BCAS3: variants seen among roughly 807,000 people sequenced by gnomAD.
BCAS3 encodes BCAS4/BCAS3 fusion.
BCAS3 carries 53 observed loss-of-function variants against 116.1 expected under a neutral mutation model. That is an observed-to-expected ratio of 0.46 (90% CI 0.37 to 0.57). The LOEUF is 0.57. Among genes scored for constraint, BCAS3 ranks in the 20% least tolerant of loss-of-function variants. The pLI is 0.00. For synonymous variants in BCAS3, 391 were observed against 408.2 expected (o/e 0.96, Z 0.51); for missense variants, 917 against 1,165.4 (o/e 0.79, Z 3.10).
At chr17:60,836,359 G>A (rs1464258233) in intron 7 of BCAS3, among the ~76,000 whole-genome samples, 1 of 152,000 alleles carries the variant, frequency 6.6e-6, no homozygotes, top group African/African-American at 2.4e-5. Context: ...TTAACAAGTA[G>A]TACTAATGCT....
chr17:61,067,399 T>C (rs2070791435), intron 19 of BCAS3, among the ~76,000 whole-genome samples: 1 of 148,242 alleles, frequency 6.7e-6, no homozygotes, highest in Non-Finnish European at 1.5e-5. Flanking sequence ...TGGCTTTTGT[T>C]TGCTTTACAC....
Position 61,265,700 on chromosome 17 carries a change from C to CG in BCAS3, c.2426-102627_2426-102626insG, listed in dbSNP as rs1178128952. Among the ~76,000 whole-genome samples the CG allele has an allele frequency of 1.3e-5, 2 of 151,220 alleles. No homozygotes were observed. On this transcript the variant is annotated intron_variant, in intron 22 of 23. Transcript: ENST00000407086. This position sits in a 1 kb window ranked among gnomAD's most constrained non-coding sequence, Gnocchi z 4.3. ...TATGTAACACCATCATTCTTTTTTC[C>CG]CCCCCATCAAGTAGTATATCTGCCA...
At chr17:60,894,351 G>C (rs921089766) in intron 10 of BCAS3, among the ~76,000 whole-genome samples, 1 of 151,934 alleles carries the variant, frequency 6.6e-6, no homozygotes, top group African/African-American at 2.4e-5. Context: ...AAATGTGATT[G>C]CCTCTTTGCT....
At chr17:60,828,396 T>TG (rs1010362307) in intron 7 of BCAS3, among the ~76,000 whole-genome samples, 55 of 152,236 alleles carry the variant, frequency 3.6e-4, no homozygotes, top group African/African-American at 1.3e-3. Context: ...ACCATTTTTT[T>TG]GGGGGGGAAA....
At chr17:61,069,859 C>T (rs765187846) in intron 19 of BCAS3, 1 of 864,448 alleles carries the variant, frequency 1.2e-6, no homozygotes, top group Admixed American at 2.0e-5. Context: ...AAAAAAAGAC[C>T]CTTTTCACAA....
chr17:61,062,679 T>A lies in BCAS3; in HGVS notation c.2030-12241T>A, dbSNP rs773270337. On this transcript the variant is annotated intron_variant, in intron 19 of 23. Transcript: ENST00000407086. ...ACAAATTAAAAATATAAACTTTATT[T>A]CTCAAGATAAGCCCCATCAAGTTAA... 3.9e-5 allele frequency among the ~76,000 whole-genome samples: 6 copies of A among 152,196 alleles called. 1 individual carries two copies. The highest frequency in any genetic ancestry group is 6.5e-5 in the Admixed American group (1 of 15,272).
At chr17:61,357,975 C>T (rs1247495039) in intron 22 of BCAS3, among the ~76,000 whole-genome samples, 1 of 151,730 alleles carries the variant, frequency 6.6e-6, no homozygotes, top group African/African-American at 2.4e-5. Flanking sequence ...GTAATCCCAG[C>T]TCCTTGGGAT....
At chr17:60,906,474 C>CA (rs905704349) in intron 11 of BCAS3, among the ~76,000 whole-genome samples, 4 of 152,190 alleles carry the variant, frequency 2.6e-5, no homozygotes, top group Middle Eastern at 3.4e-3. Flanking sequence ...CAAGTAGACC[C>CA]ATTTGGCAGG....
Position 61,145,508 on chromosome 17 carries a change from G to A in BCAS3, c.2425+60944G>A, listed in dbSNP as rs1188483311. Among the ~76,000 whole-genome samples the A allele has an allele frequency of 6.6e-6, 1 of 152,152 alleles. No homozygotes were observed. Among genetic ancestry groups the A allele is most frequent in the Non-Finnish European group, 1.5e-5 (1 of 68,032 alleles). On this transcript the variant is annotated intron_variant, in intron 22 of 23. Coordinates refer to ENST00000407086, the MANE Select transcript of BCAS3 (RefSeq NM_017679.5). This position sits in a 1 kb window ranked among gnomAD's most constrained non-coding sequence, Gnocchi z 5.0. ...AGAGGCTCTCTTCACACTCTACTGA[G>A]TACACAGACTTTGGAGATGAAAAAC...
chr17:60,965,178 G>A (rs1420898578), intron 14 of BCAS3, among the ~76,000 whole-genome samples: 1 of 150,872 alleles, frequency 6.6e-6, no homozygotes, highest in African/African-American at 2.4e-5. Context: ...CTACAAACTT[G>A]CCTGTTAGTA....
intron 22 of BCAS3, among the ~76,000 whole-genome samples, chr17:61,101,676 A>G (rs1378015175): frequency 1.3e-5 from 2 of 152,102 alleles, no homozygotes; most frequent in Admixed American, 6.6e-5. Context: ...GCCACTTTCA[A>G]ACTTTTAAGA....
At chr17:61,191,191 G>A (rs746856337) in intron 22 of BCAS3, among the ~76,000 whole-genome samples, 1 of 152,024 alleles carries the variant, frequency 6.6e-6, no homozygotes, top group Non-Finnish European at 1.5e-5. Context: ...GCTTGAGCCC[G>A]GGAGGTTGAG....
intron 19 of BCAS3, among the ~76,000 whole-genome samples, chr17:61,045,227 G>A (rs1421123628): frequency 6.6e-6 from 1 of 151,898 alleles, no homozygotes; most frequent in Non-Finnish European, 1.5e-5. Context: ...GGACTACCTG[G>A]CCTGGGCATG....
chr17:60,940,574 TCTTTG>T (rs2060173996), intron 13 of BCAS3, among the ~76,000 whole-genome samples: 1 of 152,238 alleles, frequency 6.6e-6, no homozygotes, highest in African/African-American at 2.4e-5. Flanking sequence ...GGATTCTGTT[TCTTTG>T]CTTTTGTGTT....
At position 60,709,340 on chromosome 17, in the gene BCAS3, G is replaced by C. The variant is rs1397105412; in HGVS notation, c.321+15G>C. The C allele has an allele frequency of 7.1e-7, 1 of 1,409,560 alleles. No individual in the cohort carries two copies. The highest frequency in any genetic ancestry group is 2.3e-5 in the East Asian group (1 of 43,880). 87.3% of individuals were successfully genotyped at this position (1,409,560 alleles called of 1,614,324 possible). Reference sequence around the variant, plus strand: ...GGAGCATCCCTGTAAGTACACATGTGGTTGAATACCTAAAACATACTTCCC... The same window carrying C: ...GGAGCATCCCTGTAAGTACACATGTCGTTGAATACCTAAAACATACTTCCC... On this transcript the variant is annotated intron_variant, in intron 5 of 23. Coordinates refer to ENST00000407086, the MANE Select transcript of BCAS3 (RefSeq NM_017679.5).
intron 22 of BCAS3, among the ~76,000 whole-genome samples, chr17:61,283,175 G>A (rs139492677): frequency 1.6e-3 from 249 of 152,010 alleles, no homozygotes; most frequent in Admixed American, 0.011. Flanking sequence ...AGATTTTACC[G>A]TTTTATTTAT....
intron 14 of BCAS3, among the ~76,000 whole-genome samples, chr17:60,949,887 A>G (rs1346476385): frequency 6.6e-6 from 1 of 152,200 alleles, no homozygotes; most frequent in African/African-American, 2.4e-5. Context: ...ACTCTAAAAT[A>G]TGGGAAGTTC....
chr17:60,735,061 C>T (rs753672030), intron 5 of BCAS3, among the ~76,000 whole-genome samples: 3 of 152,064 alleles, frequency 2.0e-5, no homozygotes, highest in Non-Finnish European at 4.4e-5. Context: ...TTTATACCTA[C>T]GTATTTCATT....
At chr17:61,152,115 G>C (rs981987293) in intron 22 of BCAS3, among the ~76,000 whole-genome samples, 12 of 152,176 alleles carry the variant, frequency 7.9e-5, no homozygotes, top group Non-Finnish European at 4.4e-5. Context: ...AGATGGCACG[G>C]ACCCAAAGAG....
Sources: gnomAD v4.1 joint callset for allele counts (sites outside exome capture counted in the v4.1 genomes callset) on GRCh38, gnomAD v4.1.1 for gene constraint, Gnocchi (gnomAD v3.1) non-coding constraint, MANE v1.5 for transcripts, NCBI Gene and HGNC (gene_info 2026-07-23, HGNC 2026-07-21) for gene names.